FANCI: variants seen among roughly 807,000 people sequenced by gnomAD.
The protein encoded by FANCI is FA complementation group I.
A neutral mutation model predicts 176.1 loss-of-function variants in FANCI; 156 were observed. The observed-to-expected ratio is 0.89, with a 90% CI of 0.78 to 1.01. The LOEUF (loss-of-function observed/expected upper bound fraction) is 1.01. Among genes scored for constraint, FANCI ranks in the 50% least tolerant of loss-of-function variants. FANCI has a pLI of 0.00. For missense variants in FANCI, 1,678 were observed against 1,534.1 expected, an observed-to-expected ratio of 1.09 and a Z score of -1.57; for synonymous variants, 613 against 541.7, an observed-to-expected ratio of 1.13 and a Z score of -1.83.
intron 13 of FANCI, among the ~76,000 whole-genome samples, chr15:89,277,246 A>AT (rs2053442164): frequency 6.6e-6 from 1 of 152,052 alleles, no homozygotes. Context: ...CACAGAAGAA[A>AT]TTTTTTTAGG....
Position 89,246,749 on chromosome 15 carries a change from T to G in FANCI, c.-19-880T>G, listed in dbSNP as rs541445489. ...TGTTAACTTCTCAGCTTTTCTTTCT[T>G]TCTTTCTTCCTTTCTTTTTTTTTTT... On this transcript the variant is annotated intron_variant, in intron 1 of 37. Coordinates refer to ENST00000310775, the MANE Select transcript of FANCI (RefSeq NM_001113378.2). Among the ~76,000 whole-genome samples the G allele has an allele frequency of 2.0e-5, 3 of 148,984 alleles. No homozygotes were observed. The South Asian group carries it at 6.4e-4, about 32-fold the overall frequency.
At chr15:89,272,983 A>C (rs2053257095) in intron 10 of FANCI, among the ~76,000 whole-genome samples, 1 of 152,020 alleles carries the variant, frequency 6.6e-6, no homozygotes, top group Admixed American at 6.6e-5. Context: ...CTTACTGTTA[A>C]ATAGGCTGTT....
chr15:89,260,778 T>G lies in FANCI; in HGVS notation c.223T>G (p.Leu75Val). The G allele has an allele frequency of 6.2e-7, 1 of 1,613,964 alleles. No homozygotes were observed. The highest frequency in any genetic ancestry group is 8.5e-7 in the Non-Finnish European group (1 of 1,179,918). The change falls in exon 4 of 38, where the codon TTG becomes GTG. Residue 75 changes from leucine to valine, a missense_variant. Leu to Val is a conservative substitution (Grantham distance 32). This residue lies in a region of FANCI where 469 missense variants were observed against 436.9 expected (regional missense o/e 1.07). Coordinates refer to ENST00000310775, the MANE Select transcript of FANCI (RefSeq NM_001113378.2). The stretch of plus-strand genomic sequence containing the variant: ...TAAGATATACACTTGTTGTATCCAG[T>G]TGGTGGAATCGGGGGATTTGCAGAA... ...RRKIYTCCIQ[L>V]VESGDLQKEI... is the part of the protein sequence containing the mutation.
intron 24 of FANCI, among the ~76,000 whole-genome samples, chr15:89,296,818 C>T (rs1281171735): frequency 6.7e-6 from 1 of 149,004 alleles, no homozygotes; most frequent in Non-Finnish European, 1.5e-5. Flanking sequence ...CTGACCCCCC[C>T]ACCTCCCTCC....
At position 89,307,637 on chromosome 15, in the gene FANCI, A is replaced by G; in HGVS notation, c.3616A>G (p.Thr1206Ala). The G allele has an allele frequency of 6.2e-7, 1 of 1,613,616 alleles. No individual in the cohort carries two copies. The highest frequency in any genetic ancestry group is 8.5e-7 in the Non-Finnish European group (1 of 1,179,952). Residue 1206 changes from threonine (T) to alanine (A), a missense_variant, in exon 34 of 38, where the codon ACC becomes GCC. Physicochemically the swap from Thr to Ala is moderately conservative, Grantham distance 58. Coordinates refer to ENST00000310775, the MANE Select transcript of FANCI (RefSeq NM_001113378.2). ...GGTGAAGCTGTCTGGTTCTCATCTG[A>G]CCCCCCTGTGTTATTCTTTCATTTC... ...KLVKLSGSHL[T>A]PLCYSFISYV...
intron 3 of FANCI, among the ~76,000 whole-genome samples, chr15:89,260,011 C>T (rs1032997629): frequency 4.1e-5 from 6 of 147,974 alleles, no homozygotes; most frequent in Non-Finnish European, 5.9e-5. Flanking sequence ...GTGGAATTGC[C>T]GGATCATGTG....
chr15:89,263,965 C>T lies in FANCI; in HGVS notation c.608C>T (p.Ser203Phe). 1 of 1,614,022 alleles carries T rather than the reference C, an allele frequency of 6.2e-7. No homozygotes were observed. Among genetic ancestry groups the T allele is most frequent in the South Asian group, 1.1e-5 (1 of 91,076 alleles). The change falls in exon 8 of 38, where the codon TCC becomes TTC. Residue 203 changes from serine to phenylalanine, a missense_variant. Physicochemically the swap from Ser to Phe is radical, Grantham distance 155. Coordinates refer to ENST00000310775, the MANE Select transcript of FANCI (RefSeq NM_001113378.2). Reference sequence around the variant, plus strand: ...GTGGAAAAAGCATTGAGCATGTTCTCCAAGATGAATCTTCAAGAAATACCA... The same window carrying T: ...GTGGAAAAAGCATTGAGCATGTTCTTCAAGATGAATCTTCAAGAAATACCA... ...FVVEKALSMFSKMNLQEIPPL... is the reference protein window; with the variant it reads ...FVVEKALSMFFKMNLQEIPPL...
intron 14 of FANCI, 49 bp from the exon 15 acceptor site, chr15:89,281,121 A>T (rs773031037): frequency 6.3e-7 from 1 of 1,594,388 alleles, no homozygotes; most frequent in Non-Finnish European, 8.6e-7. Flanking sequence ...CTTTTATTTC[A>T]GTTATCTTTA....
Position 89,315,227 on chromosome 15 carries a change from G to A in FANCI, c.3817-55G>A, listed in dbSNP as rs540580816. 1.8e-5 allele frequency: 24 copies of A among 1,357,602 alleles called. No homozygotes were observed. The East Asian group carries it at 5.0e-4, about 28-fold the overall frequency. 84.1% of individuals were successfully genotyped at this position (1,357,602 alleles called of 1,614,324 possible). On this transcript the variant is annotated intron_variant, in intron 36 of 37. Transcript: ENST00000310775. ...AGGTGAACTAAAAATGGCTTAAGCT[G>A]TTCTGGCAGGACCTATGAGTAGGGA... is the stretch of plus-strand genomic sequence containing the variant.
intron 34 of FANCI, among the ~76,000 whole-genome samples, chr15:89,311,439 T>C (rs1176970031): frequency 6.6e-6 from 1 of 152,196 alleles, no homozygotes; most frequent in Non-Finnish European, 1.5e-5. Context: ...GCTTCTCTTC[T>C]GGCTCTAATT....
At chr15:89,303,693 A>G (rs1473911365) in intron 27 of FANCI, among the ~76,000 whole-genome samples, 171 bp from the exon 28 acceptor site, 1 of 152,188 alleles carries the variant, frequency 6.6e-6, no homozygotes. Context: ...AATTCTTAGA[A>G]TTTTGGACTT....
In FANCI at chr15:89,278,214, A is replaced by G. The variant is rs572688311; in HGVS notation, c.1294-473A>G. On this transcript the variant is annotated intron_variant, in intron 13 of 37. Coordinates refer to ENST00000310775, the MANE Select transcript of FANCI (RefSeq NM_001113378.2). ...TCAAGTTGAAGTAAGAATTTTAACT[A>G]CAATTCAAGTGAAAATTCAGAATGG... Among the ~76,000 whole-genome samples, 13 of 152,352 alleles carry G rather than the reference A, an allele frequency of 8.5e-5. No homozygotes were observed. The East Asian group carries it at 2.3e-3, about 27-fold the overall frequency.
At chr15:89,275,712 A>G (rs537744312) in intron 12 of FANCI, among the ~76,000 whole-genome samples, 4 of 152,340 alleles carry the variant, frequency 2.6e-5, no homozygotes, top group South Asian at 4.1e-4. Flanking sequence ...GTTGGGCTAA[A>G]GAAGGAGGTA....
chr15:89,281,790 T>C lies in FANCI; in HGVS notation c.1538T>C (p.Met513Thr). The C allele has an allele frequency of 6.2e-7, 1 of 1,613,996 alleles. No individual in the cohort carries two copies. Among genetic ancestry groups the C allele is most frequent in the Non-Finnish European group, 8.5e-7 (1 of 1,179,936 alleles). ...CCCCTTCTCAAAGTCAGCATGTCAA[T>C]GAGAGACTGCTTGATACTTGTCCTT... ...VQPLLKVSMS[M>T]RDCLILVLRK... Residue 513 changes from methionine to threonine, a missense_variant, in exon 16 of 38, where the codon ATG becomes ACG. Coordinates refer to ENST00000310775, the MANE Select transcript of FANCI (RefSeq NM_001113378.2).
In FANCI at chr15:89,279,800, T is replaced by C. The variant is rs144774428; in HGVS notation, c.1381+1026T>C. On this transcript the variant is annotated intron_variant, in intron 14 of 37. Coordinates refer to ENST00000310775, the MANE Select transcript of FANCI (RefSeq NM_001113378.2). ...TTCTCCCTCATACTGTCATTGTTTC[T>C]ATCTTTTTATTCCCTCCTCCTCCCA... is the stretch of plus-strand genomic sequence containing the variant. 2.0e-5 allele frequency among the ~76,000 whole-genome samples: 3 copies of C among 152,300 alleles called. No homozygotes were observed. In the East Asian group the frequency reaches 5.8e-4, roughly 29 times the overall value.
At chr15:89,263,279 A>T in intron 6 of FANCI, 140 bp from the exon 7 acceptor site, 2 of 694,600 alleles carry the variant, frequency 2.9e-6, no homozygotes, top group Non-Finnish European at 5.1e-6. Flanking sequence ...TCATTGTTTT[A>T]AATGGTATTT....
chr15:89,283,351 G>T (rs1252148726), intron 17 of FANCI, 101 bp downstream of exon 17: 7 of 1,558,002 alleles, frequency 4.5e-6, no homozygotes, highest in Non-Finnish European at 5.2e-6. Context: ...TTGTAAGAAT[G>T]ATCCTAGAAC....
downstream of FANCI, chr15:89,317,177 A>G: frequency 4.8e-6 from 3 of 620,818 alleles, no homozygotes; most frequent in South Asian, 3.9e-5. Flanking sequence ...GAATATTTGA[A>G]GCTCTGCTGC....
Position 89,306,220 on chromosome 15 carries a change from G to GC in FANCI, c.3537+30dup, listed in dbSNP as rs1596325897. 5 of 1,611,554 alleles carry GC rather than the reference G, an allele frequency of 3.1e-6. No homozygotes were observed. The East Asian group carries it at 8.9e-5, about 29-fold the overall frequency. On this transcript the variant is annotated intron_variant, in intron 32 of 37. Coordinates refer to ENST00000310775, the MANE Select transcript of FANCI (RefSeq NM_001113378.2). The stretch of plus-strand genomic sequence containing the variant: ...GTGAGTATTTGAGACAAGCAGATTC[G>GC]CCCCACCATTCTACCCCAGTGAGCC...
Sources: gnomAD v4.1 joint callset for allele counts (sites outside exome capture counted in the v4.1 genomes callset) on GRCh38, gnomAD v4.1.1 for gene constraint, gnomAD v4.1.1 regional missense constraint, MANE v1.5 for transcripts, NCBI Gene and HGNC (gene_info 2026-07-23, HGNC 2026-07-21) for gene names.